Variants in VKORC1L1 observed in about 807,000 individuals in gnomAD.
VKORC1L1 encodes the protein vitamin K epoxide reductase complex subunit 1-like protein 1.
In VKORC1L1, 2 loss-of-function variants were observed where a neutral mutation model predicts 18.9. That is an observed-to-expected ratio of 0.11 (90% CI 0.04 to 0.33). The LOEUF is 0.33. Among genes scored for constraint, VKORC1L1 ranks in the 10% least tolerant of loss-of-function variants. The probability of loss-of-function intolerance (pLI) is 1.00; values close to 1 mark genes in which losing one functional copy is unlikely to be tolerated. For missense variants in VKORC1L1, 123 were observed against 224.1 expected (o/e 0.55, Z 2.88); for synonymous variants, 96 against 100.0 (o/e 0.96, Z 0.24).
At chr7:65,874,428 C>T (rs913577577) in intron 1 of VKORC1L1, among the ~76,000 whole-genome samples, 1 of 151,910 alleles carries the variant, frequency 6.6e-6, no homozygotes, top group Non-Finnish European at 1.5e-5. Context: ...GAACTCCTGA[C>T]CTCAGGTAAT....
chr7:65,932,509 C>T (rs1789874965), intron 1 of VKORC1L1, among the ~76,000 whole-genome samples: 1 of 152,196 alleles, frequency 6.6e-6, no homozygotes. Context: ...ACTTTAGCTG[C>T]ATAACACCAA....
In VKORC1L1 at chr7:65,915,849, G is replaced by A. The variant is rs35331244; in HGVS notation, c.195-32822G>A. ...GGAAACCTCCTGGCTGGGTGCAGTG[G>A]CTCACACCTGTAATCCCAGCACTTG... On this transcript the variant is annotated intron_variant, in intron 1 of 2. Transcript: ENST00000360768. Among the ~76,000 whole-genome samples, 463 of 152,146 alleles carry A rather than the reference G, an allele frequency of 3.0e-3. 2 individuals are homozygous for A. Among genetic ancestry groups the A allele is most frequent in the Admixed American group, 6.4e-3 (98 of 15,284 alleles).
chr7:65,886,135 A>G (rs1360849550), intron 1 of VKORC1L1, among the ~76,000 whole-genome samples: 2 of 152,240 alleles, frequency 1.3e-5, no homozygotes, highest in Admixed American at 6.5e-5. Flanking sequence ...GCCTTATATC[A>G]TCTATCCCTG....
chr7:65,909,733 T>TGTGTGA lies in VKORC1L1; in HGVS notation c.194+36169_194+36174dup, dbSNP rs1373368221. ...GTGTGTGTGTGTGTGTGTGTGTGTG[T>TGTGTGA]GTGTGACGGAGGCTTGCTCTGTCGC... On this transcript the variant is annotated intron_variant, in intron 1 of 2. Transcript: ENST00000360768. Among the ~76,000 whole-genome samples the TGTGTGA allele has an allele frequency of 6.0e-5, 9 of 150,862 alleles. No homozygotes were observed. The South Asian group carries it at 1.7e-3, about 28-fold the overall frequency.
At chr7:65,877,712 T>C (rs1379234055) in intron 1 of VKORC1L1, among the ~76,000 whole-genome samples, 1 of 152,234 alleles carries the variant, frequency 6.6e-6, no homozygotes, top group Non-Finnish European at 1.5e-5. Flanking sequence ...GAAGGGTTTC[T>C]ATGTAAGAAT....
At chr7:65,897,364 T>G (rs1407482172) in intron 1 of VKORC1L1, among the ~76,000 whole-genome samples, 1 of 152,250 alleles carries the variant, frequency 6.6e-6, no homozygotes, top group African/African-American at 2.4e-5. Context: ...GGAAGATAGC[T>G]ACTTCCGTAT....
intron 1 of VKORC1L1, among the ~76,000 whole-genome samples, chr7:65,910,144 A>G (rs1379912304): frequency 6.6e-6 from 1 of 152,226 alleles, no homozygotes; most frequent in Non-Finnish European, 1.5e-5. Flanking sequence ...GTTGGAAACA[A>G]ACTTGTTTCT....
In VKORC1L1 at chr7:65,952,537, T is replaced by G. The variant is rs1349772484; in HGVS notation, c.305-1537T>G. The stretch of plus-strand genomic sequence containing the variant: ...CGTCTTCTTGTTGCATTTTTTTTTT[T>G]GCCAACAGGGCCCAGGATTTCAGCT... On this transcript the variant is annotated intron_variant, in intron 2 of 2. Coordinates refer to ENST00000360768, the MANE Select transcript of VKORC1L1 (RefSeq NM_173517.6). Among the ~76,000 whole-genome samples, 3 of 152,098 alleles carry G rather than the reference T, an allele frequency of 2.0e-5. No homozygotes were observed. The South Asian group carries it at 6.2e-4, about 32-fold the overall frequency.
rs1790308061 is a variant in VKORC1L1, at chr7:65,957,123, G to A, written c.*2823G>A. Reference sequence around the variant, plus strand: ...CCAGAATCACTGTTCCTTCATACATGTGTCCTCTCCTTAAATTCATTACTT... The same window carrying A: ...CCAGAATCACTGTTCCTTCATACATATGTCCTCTCCTTAAATTCATTACTT... On this transcript the variant is annotated 3_prime_UTR_variant, in exon 3 of 3. Transcript: ENST00000360768. The A allele has an allele frequency of 6.6e-6, 1 of 152,158 alleles. No individual in the cohort carries two copies. Among genetic ancestry groups the A allele is most frequent in the South Asian group, 2.1e-4 (1 of 4,832 alleles). The allele number at this position is 152,158 out of a possible 1,614,324, so 9.4% of individuals were successfully genotyped here. A position where few individuals can be genotyped will look rare whatever the true frequency, so the allele number is the denominator to read the frequency against.
At chr7:65,944,370 A>G (rs748191430) in intron 1 of VKORC1L1, among the ~76,000 whole-genome samples, 13 of 152,164 alleles carry the variant, frequency 8.5e-5, no homozygotes, top group Non-Finnish European at 1.3e-4. Context: ...CTCTGTCTCA[A>G]AAAATAAAAA....
intron 1 of VKORC1L1, among the ~76,000 whole-genome samples, chr7:65,941,673 G>GTTTTTTTTTTTTTTTTTTTT (rs57537567): frequency 1.5e-5 from 1 of 66,476 alleles, no homozygotes; most frequent in Non-Finnish European, 2.8e-5. Flanking sequence ...TTTTCTTAAG[G>GTTTTTTTTTTTTTTTTTTTT]TTTTTTTTTT....
intron 2 of VKORC1L1, among the ~76,000 whole-genome samples, chr7:65,951,549 C>T (rs35268390): frequency 5.3e-5 from 8 of 151,028 alleles, no homozygotes; most frequent in Non-Finnish European, 7.4e-5. Context: ...ACTCCAGCCT[C>T]GGTGACAGAG....
At chr7:65,878,352 C>A (rs1349440368) in intron 1 of VKORC1L1, among the ~76,000 whole-genome samples, 1 of 151,800 alleles carries the variant, frequency 6.6e-6, no homozygotes, top group East Asian at 1.9e-4. Context: ...GAGGCTGAGG[C>A]AGGAGAATCA....
At chr7:65,881,087 A>T (rs767192988) in intron 1 of VKORC1L1, among the ~76,000 whole-genome samples, 6 of 152,120 alleles carry the variant, frequency 3.9e-5, no homozygotes, top group Non-Finnish European at 7.4e-5. Flanking sequence ...AAAAATCCCA[A>T]ATCCAAAGCA....
chr7:65,873,428 G>C lies in VKORC1L1; in HGVS notation c.57G>C (p.Arg19=), dbSNP rs763246751. The C allele has an allele frequency of 4.4e-6, 7 of 1,587,158 alleles. No individual in the cohort carries two copies. The highest frequency in any genetic ancestry group is 6.0e-6 in the Non-Finnish European group (7 of 1,169,652). ...VSVPRWERVA[R]YAVCAAGILL... Reference sequence around the variant, plus strand: ...TGCCGCGGTGGGAGCGGGTGGCCCGGTATGCAGTGTGCGCTGCCGGAATCC... The same window carrying C: ...TGCCGCGGTGGGAGCGGGTGGCCCGCTATGCAGTGTGCGCTGCCGGAATCC... Residue 19 remains arginine, a synonymous_variant, in exon 1 of 3, where the codon CGG becomes CGC. Transcript: ENST00000360768.
intron 1 of VKORC1L1, among the ~76,000 whole-genome samples, chr7:65,892,990 A>G (rs545370906): frequency 1.2e-4 from 18 of 152,304 alleles, no homozygotes; most frequent in Admixed American, 3.3e-4. Context: ...TTCTCCCACA[A>G]GTGTACAATA....
At chr7:65,940,932 A>G (rs1028348702) in intron 1 of VKORC1L1, among the ~76,000 whole-genome samples, 2 of 152,200 alleles carry the variant, frequency 1.3e-5, no homozygotes, top group African/African-American at 4.8e-5. Context: ...AGAGTCCTAA[A>G]CAACATATCA....
At position 65,915,023 on chromosome 7, in the gene VKORC1L1, G is replaced by A. The variant is rs767490909; in HGVS notation, c.195-33648G>A. Among the ~76,000 whole-genome samples the A allele has an allele frequency of 1.3e-4, 19 of 151,522 alleles. 1 individual carries two copies. The highest frequency in any genetic ancestry group is 2.1e-4 in the South Asian group (1 of 4,786). On this transcript the variant is annotated intron_variant, in intron 1 of 2. Coordinates refer to ENST00000360768, the MANE Select transcript of VKORC1L1 (RefSeq NM_173517.6). ...CGTGTCTCAAAAAACAAAAAAACCC[G>A]CAAATACTTAACTCTCCCTCTTCGG...
In VKORC1L1 at chr7:65,956,696, C is replaced by T. The variant is rs1790301199; in HGVS notation, c.*2396C>T. ...GGGTGTTAATTGGGTGTTTTTTGCC[C>T]TGGAGAATTCAGATTCCTTTCTATA... On this transcript the variant is annotated 3_prime_UTR_variant, in exon 3 of 3. Transcript: ENST00000360768. 1 of 152,110 alleles carries T rather than the reference C, an allele frequency of 6.6e-6. No homozygotes were observed. 9.4% of individuals were successfully genotyped at this position (152,110 alleles called of 1,614,324 possible).
Sources: gnomAD v4.1 joint callset for allele counts (sites outside exome capture counted in the v4.1 genomes callset) on GRCh38, gnomAD v4.1.1 for gene constraint, MANE v1.5 for transcripts, NCBI Gene and HGNC (gene_info 2026-07-23, HGNC 2026-07-21) for gene names.